ULK4: variants seen among roughly 807,000 people sequenced by gnomAD.
ULK4 encodes the protein unc-51 like kinase 4.
A neutral mutation model predicts 160.6 loss-of-function variants in ULK4; 133 were observed. That is an observed-to-expected ratio of 0.83 (90% CI 0.72 to 0.96). The LOEUF (loss-of-function observed/expected upper bound fraction) is 0.96, where lower values mean the gene tolerates loss of function less well. ULK4 is among the 40% of genes least tolerant of loss of function. The probability of loss-of-function intolerance (pLI) is 0.00; values close to 1 mark genes in which losing one functional copy is unlikely to be tolerated. For missense variants in ULK4, 1,580 were observed against 1,499.5 expected, an observed-to-expected ratio of 1.05 and a Z score of -0.89; for synonymous variants, 534 against 539.8, an observed-to-expected ratio of 0.99 and a Z score of 0.15.
At chr3:41,577,058 C>T (rs569518058) in intron 31 of ULK4, among the ~76,000 whole-genome samples, 13 of 152,236 alleles carry the variant, frequency 8.5e-5, no homozygotes, top group African/African-American at 3.1e-4. Context: ...TGGGAGTTTA[C>T]CAAGTGTTGG....
At chr3:41,932,065 A>G in intron 4 of ULK4, 59 bp from the exon 5 acceptor site, 1 of 1,476,614 alleles carries the variant, frequency 6.8e-7, no homozygotes, top group Non-Finnish European at 9.2e-7. Context: ...TACATATATC[A>G]GTACCTCTTA....
At chr3:41,717,886 T>C (rs757581773) in intron 22 of ULK4, 25 bp from the exon 23 acceptor site, 3 of 1,607,560 alleles carry the variant, frequency 1.9e-6, no homozygotes, top group Non-Finnish European at 2.6e-6. Flanking sequence ...GTGCAAAGAT[T>C]ACCTCTCATG....
At chr3:41,910,379 A>C (rs1207722308) in intron 11 of ULK4, among the ~76,000 whole-genome samples, 1 of 152,110 alleles carries the variant, frequency 6.6e-6, no homozygotes, top group Non-Finnish European at 1.5e-5. Flanking sequence ...GGATCACCTA[A>C]GGTCAGGAGT....
At chr3:41,626,333 T>C (rs543480660) in intron 30 of ULK4, among the ~76,000 whole-genome samples, 7 of 152,314 alleles carry the variant, frequency 4.6e-5, no homozygotes, top group African/African-American at 1.4e-4. Context: ...ATTTTAAATG[T>C]CATGTATTTA....
rs528793394 is a variant in ULK4, at chr3:41,495,435, G to C, written c.3227-32182C>G. Among the ~76,000 whole-genome samples the C allele has an allele frequency of 3.6e-3, 553 of 151,712 alleles. 4 individuals are homozygous for C. The highest frequency in any genetic ancestry group is 0.013 in the African/African-American group (535 of 41,358). On this transcript the variant is annotated intron_variant, in intron 32 of 36. Transcript: ENST00000301831. ...CTTACACAAAAATTAATTCAAGATG[G>C]ATTAAAGACTTACATGTTAGACCTA...
At chr3:41,625,958 T>C (rs2033486185) in intron 30 of ULK4, among the ~76,000 whole-genome samples, 2 of 152,242 alleles carry the variant, frequency 1.3e-5, no homozygotes, top group Admixed American at 1.3e-4. Context: ...TGTGTTTAAG[T>C]AACTCCAGAT....
chr3:41,815,074 A>C (rs2040926010), intron 19 of ULK4, among the ~76,000 whole-genome samples: 1 of 151,918 alleles, frequency 6.6e-6, no homozygotes, highest in African/African-American at 2.4e-5. Flanking sequence ...ACGCCCGACT[A>C]ATTTTTGTAT....
At chr3:41,269,791 TAA>T (rs1410942045) in intron 35 of ULK4, among the ~76,000 whole-genome samples, 2 of 152,198 alleles carry the variant, frequency 1.3e-5, no homozygotes, top group African/African-American at 2.4e-5. Context: ...CTTATAAAGT[TAA>T]GTTACCTAAT....
chr3:41,469,965 A>C (rs1434137915), intron 32 of ULK4, among the ~76,000 whole-genome samples: 1 of 146,240 alleles, frequency 6.8e-6, no homozygotes, highest in East Asian at 2.1e-4. Flanking sequence ...ATTATGGAAT[A>C]CCATTAAGAG....
intron 35 of ULK4, among the ~76,000 whole-genome samples, chr3:41,343,294 ACT>A (rs1491267525): frequency 2.2e-5 from 3 of 136,122 alleles, no homozygotes; most frequent in African/African-American, 9.0e-5. Flanking sequence ...CAGCCCAAAA[ACT>A]TTTTTTTTTT....
intron 21 of ULK4, among the ~76,000 whole-genome samples, chr3:41,757,093 G>T (rs2038828741): frequency 6.6e-6 from 1 of 151,772 alleles, no homozygotes; most frequent in African/African-American, 2.4e-5. Context: ...TTTAATAAAG[G>T]GTGATTTTCT....
intron 21 of ULK4, among the ~76,000 whole-genome samples, chr3:41,772,179 A>G (rs1431594009): frequency 6.6e-6 from 1 of 152,234 alleles, no homozygotes; most frequent in Non-Finnish European, 1.5e-5. Context: ...AAGAGCAAAC[A>G]CATTCAAAAG....
chr3:41,547,694 C>T (rs1296684709), intron 32 of ULK4, among the ~76,000 whole-genome samples: 3 of 152,214 alleles, frequency 2.0e-5, no homozygotes. Flanking sequence ...CACCATACTG[C>T]ATTCTGCCCT....
chr3:41,315,107 G>C (rs1179851129), intron 35 of ULK4, among the ~76,000 whole-genome samples: 2 of 152,118 alleles, frequency 1.3e-5, no homozygotes, highest in Non-Finnish European at 2.9e-5. Context: ...GGGAACAAGA[G>C]TGACATTGTT....
At chr3:41,514,965 G>A (rs1038975839) in intron 32 of ULK4, among the ~76,000 whole-genome samples, 4 of 152,094 alleles carry the variant, frequency 2.6e-5, no homozygotes, top group African/African-American at 9.7e-5. Flanking sequence ...CTAAAGAACA[G>A]ATATGCTGGC....
intron 34 of ULK4, among the ~76,000 whole-genome samples, chr3:41,412,999 T>C (rs768407873): frequency 8.5e-5 from 13 of 152,190 alleles, no homozygotes; most frequent in Non-Finnish European, 1.8e-4. Flanking sequence ...GATAAACACA[T>C]ACCAGAGATT....
rs563221990 is a variant in ULK4, at chr3:41,794,748, T to C, written c.2011-4905A>G. Reference sequence around the variant, plus strand: ...ATTAAATAAATAAAGCTGCATTCATTAGAGGCGAGAGAGCAGAGTCAGGGA... The same window carrying C: ...ATTAAATAAATAAAGCTGCATTCATCAGAGGCGAGAGAGCAGAGTCAGGGA... On this transcript the variant is annotated intron_variant, in intron 20 of 36. Coordinates refer to ENST00000301831, the MANE Select transcript of ULK4 (RefSeq NM_017886.4). 3.3e-5 allele frequency among the ~76,000 whole-genome samples: 5 copies of C among 149,436 alleles called. No individual in the cohort carries two copies. The South Asian group carries it at 8.4e-4, about 25-fold the overall frequency.
chr3:41,803,198 G>C (rs1312523489), intron 19 of ULK4, among the ~76,000 whole-genome samples: 1 of 149,984 alleles, frequency 6.7e-6, no homozygotes, highest in African/African-American at 2.5e-5. Context: ...GTAATAATAA[G>C]TCCATAAAGG....
intron 21 of ULK4, among the ~76,000 whole-genome samples, chr3:41,782,919 G>T (rs745608467): frequency 6.6e-6 from 1 of 151,712 alleles, no homozygotes; most frequent in Non-Finnish European, 1.5e-5. Flanking sequence ...CTTTTAAAAT[G>T]ATATTGAAGA....
Sources: allele counts gnomAD v4.1 joint callset (sites outside exome capture counted in the v4.1 genomes callset), GRCh38; gene constraint gnomAD v4.1.1; transcripts MANE v1.5; gene names NCBI Gene and HGNC (gene_info 2026-07-23, HGNC 2026-07-21).